Variants in TTPAL observed in about 807,000 individuals in gnomAD.
TTPAL encodes the protein alpha-tocopherol transfer protein-like.
TTPAL carries 21 observed loss-of-function variants against 28.7 expected under a neutral mutation model. The ratio of observed to expected loss-of-function variants is 0.73; its 90% CI spans 0.52 to 1.06. The LOEUF is 1.06. Ranked by LOEUF, TTPAL falls within the 50% of genes least tolerant of loss-of-function variation. TTPAL has a pLI of 0.00. For synonymous variants in TTPAL, 169 were observed against 171.9 expected (o/e 0.98, Z 0.13); for missense variants, 345 against 425.5 (o/e 0.81, Z 1.67).
At position 44,489,710 on chromosome 20, in the gene TTPAL, T is replaced by G. The variant is rs1245377215; in HGVS notation, c.*169T>G. Reference sequence around the variant, plus strand: ...GCCCATTTTGGGGTAAGCCTTTGGTTACTTTAATTACTCCATGGAAGACAT... The same window carrying G: ...GCCCATTTTGGGGTAAGCCTTTGGTGACTTTAATTACTCCATGGAAGACAT... On this transcript the variant is annotated 3_prime_UTR_variant, in exon 5 of 5. Coordinates refer to ENST00000262605, the MANE Select transcript of TTPAL (RefSeq NM_001039199.3). 3.0e-6 allele frequency: 2 copies of G among 657,522 alleles called. No individual in the cohort carries two copies. Among genetic ancestry groups the G allele is most frequent in the East Asian group, 5.5e-5 (2 of 36,380 alleles). The allele number at this position is 657,522 out of a possible 1,614,324, so 40.7% of individuals were successfully genotyped here.
At chr20:44,486,535 GGGGA>G in intron 3 of TTPAL, 57 bp from the exon 4 acceptor site, 1 of 996,922 alleles carries the variant, frequency 1.0e-6, no homozygotes. Context: ...ATTTAACTTG[GGGGA>G]GGAAGGTGTG....
rs773660034 is a variant in TTPAL at position 44,480,207 on chromosome 20, C to A, written c.208C>A (p.Pro70Thr). The A allele has an allele frequency of 1.9e-6, 3 of 1,613,994 alleles. No individual in the cohort carries two copies. The African/African-American group carries it at 4.0e-5, about 22-fold the overall frequency. ...ALRDMVRKEYPNLSTSLDDAF... is the reference protein window; with the variant it reads ...ALRDMVRKEYTNLSTSLDDAF... ...TCGTGACATGGTGCGGAAGGAGTAC[C>A]CCAACCTGAGCACATCCCTCGACGA... is the stretch of plus-strand genomic sequence containing the variant. Residue 70 changes from proline (P) to threonine (T), a missense_variant, in exon 2 of 5, where the codon CCC becomes ACC. Physicochemically the swap from Pro to Thr is conservative, Grantham distance 38. Coordinates refer to ENST00000262605, the MANE Select transcript of TTPAL (RefSeq NM_001039199.3). The surrounding 1 kb of genome is among the most constrained non-coding windows in gnomAD (Gnocchi z 4.1).
rs555560264 is a variant in TTPAL at position 44,488,510 on chromosome 20, G to A, written c.751-753G>A. Among the ~76,000 whole-genome samples the A allele has an allele frequency of 1.2e-4, 18 of 152,246 alleles. No homozygotes were observed. In the East Asian group the frequency reaches 3.5e-3, roughly 29 times the overall value. ...CTAGGAAAATTATATTCTAAAGGGA[G>A]CCACAGTGAATTATCTAGTATTAGA... is the stretch of plus-strand genomic sequence containing the variant. On this transcript the variant is annotated intron_variant, in intron 4 of 4. Transcript: ENST00000262605.
At chr20:44,483,993 T>C (rs2064129560) in intron 2 of TTPAL, among the ~76,000 whole-genome samples, 1 of 152,164 alleles carries the variant, frequency 6.6e-6, no homozygotes. Context: ...GGTTTCGCCA[T>C]GTTGCCTGGG....
chr20:44,484,630 C>A, intron 3 of TTPAL, 100 bp downstream of exon 3: 1 of 813,076 alleles, frequency 1.2e-6, no homozygotes, highest in Non-Finnish European at 1.9e-6. Flanking sequence ...AACTGCACAT[C>A]CCACACCTGC....
chr20:44,492,092 AG>A lies in TTPAL; in HGVS notation c.*2553del, dbSNP rs1410770670. 6.6e-6 allele frequency: 1 copy of A among 152,314 alleles called. No individual in the cohort carries two copies. The highest frequency in any genetic ancestry group is 1.5e-5 in the Non-Finnish European group (1 of 68,048). 9.4% of individuals were successfully genotyped at this position (152,314 alleles called of 1,614,324 possible). On this transcript the variant is annotated 3_prime_UTR_variant, in exon 5 of 5. Transcript: ENST00000262605. The stretch of plus-strand genomic sequence containing the variant: ...TGCTTGCTTTGTTTTGGCTCCGAAG[AG>A]GTATCAGATAGTTTTGACACCTCAG...
rs374289262 is a variant in TTPAL at position 44,489,466 on chromosome 20, C to T, written c.954C>T (p.Pro318=). Reference sequence around the variant, plus strand: ...GCATCCTGGGCCAGACGCTGCTGCCCGAGGGCCTGACCTCAGATGCACAGT... The same window carrying T: ...GCATCCTGGGCCAGACGCTGCTGCCTGAGGGCCTGACCTCAGATGCACAGT... The part of the protein sequence containing the change: ...CDSILGQTLL[P]EGLTSDAQCD... Residue 318 remains proline (P), a synonymous_variant, in exon 5 of 5, where the codon CCC becomes CCT. Transcript: ENST00000262605. 5.0e-6 allele frequency: 8 copies of T among 1,614,056 alleles called. No individual in the cohort carries two copies. The highest frequency in any genetic ancestry group is 3.3e-5 in the Admixed American group (2 of 59,992).
chr20:44,489,652 AGGAT>A lies in TTPAL; in HGVS notation c.*115_*118del. 2 of 1,213,210 alleles carry A rather than the reference AGGAT, an allele frequency of 1.6e-6. No homozygotes were observed. Among genetic ancestry groups the A allele is most frequent in the Non-Finnish European group, 2.2e-6 (2 of 891,574 alleles). 75.2% of individuals were successfully genotyped at this position (1,213,210 alleles called of 1,614,324 possible). A position where few individuals can be genotyped will look rare whatever the true frequency, so the allele number is the denominator to read the frequency against. ...GTCTTGCTCCTTGTAATTAAACTGCAGGATGGAGGAACAGCCTGAGATATGAGCA... is the reference window on the plus strand; with the variant it reads ...GTCTTGCTCCTTGTAATTAAACTGCAGGAGGAACAGCCTGAGATATGAGCA... On this transcript the variant is annotated 3_prime_UTR_variant, in exon 5 of 5. Coordinates refer to ENST00000262605, the MANE Select transcript of TTPAL (RefSeq NM_001039199.3).
rs2064190822 is a variant in TTPAL at position 44,490,076 on chromosome 20, T to G, written c.*535T>G. ...TACTGGAGATGAAGGCCCCAGCTGT[T>G]GTCACCGGGTTTGGAAAGCACCTTA... On this transcript the variant is annotated 3_prime_UTR_variant, in exon 5 of 5. Coordinates refer to ENST00000262605, the MANE Select transcript of TTPAL (RefSeq NM_001039199.3). 6.3e-6 allele frequency: 1 copy of G among 157,588 alleles called. No individual in the cohort carries two copies. 9.8% of individuals were successfully genotyped at this position (157,588 alleles called of 1,614,324 possible).
At chr20:44,488,107 CAAG>C (rs2064169354) in intron 4 of TTPAL, among the ~76,000 whole-genome samples, 1 of 152,164 alleles carries the variant, frequency 6.6e-6, no homozygotes, top group Non-Finnish European at 1.5e-5. Context: ...TGGAAAATCT[CAAG>C]GAGGTAAGGG....
In TTPAL at chr20:44,480,132, G is replaced by A. The variant is rs753432973; in HGVS notation, c.133G>A (p.Glu45Lys). The A allele has an allele frequency of 6.2e-7, 1 of 1,614,200 alleles. No individual in the cohort carries two copies. Among genetic ancestry groups the A allele is most frequent in the Non-Finnish European group, 8.5e-7 (1 of 1,180,042 alleles). The change falls in exon 2 of 5, where the codon GAA (glutamate) becomes AAA (lysine). Residue 45 changes from glutamate (E) to lysine (K), a missense_variant. Physicochemically the swap from Glu to Lys is moderately conservative, Grantham distance 56. Transcript: ENST00000262605. This position sits in a 1 kb window ranked among gnomAD's most constrained non-coding sequence, Gnocchi z 4.1. ...LTEDLVTKAR[E>K]ELQEKPEWRL... ...AGAAGACCTGGTCACCAAAGCCCGG[G>A]AAGAGCTGCAGGAAAAGCCGGAATG...
intron 4 of TTPAL, among the ~76,000 whole-genome samples, chr20:44,487,944 T>C (rs943080713): frequency 6.6e-6 from 1 of 152,226 alleles, no homozygotes; most frequent in Non-Finnish European, 1.5e-5. Flanking sequence ...AATTTTTGTA[T>C]TTTTAGTAGA....
At position 44,489,585 on chromosome 20, in the gene TTPAL, C is replaced by G. The variant is rs750212714; in HGVS notation, c.*44C>G. ...CATCTTTAATTCTTTTCCTTCTTTT[C>G]TTTGGAGAGGCACAAGGAGAATTTA... On this transcript the variant is annotated 3_prime_UTR_variant, in exon 5 of 5. Transcript: ENST00000262605. 2 of 1,568,072 alleles carry G rather than the reference C, an allele frequency of 1.3e-6. No homozygotes were observed. Among genetic ancestry groups the G allele is most frequent in the Admixed American group, 3.6e-5 (2 of 54,950 alleles).
chr20:44,478,706 A>G (rs1328286021), intron 1 of TTPAL: 1 of 152,230 alleles, frequency 6.6e-6, no homozygotes, highest in African/African-American at 2.4e-5. Context: ...GTATGTGTAT[A>G]GTTTAAAAAC....
intron 3 of TTPAL, chr20:44,485,775 G>GA (rs2064146195): frequency 6.6e-6 from 1 of 152,162 alleles, no homozygotes; most frequent in Non-Finnish European, 1.5e-5. Flanking sequence ...CTGGAGAGGA[G>GA]AAAAAATTAA....
chr20:44,476,875 C>G (rs1309829684), intron 1 of TTPAL, among the ~76,000 whole-genome samples: 1 of 152,078 alleles, frequency 6.6e-6, no homozygotes, highest in Non-Finnish European at 1.5e-5. Flanking sequence ...TAAATGAGTG[C>G]GTGGTGAAAC....
Position 44,484,378 on chromosome 20 carries a change from C to A in TTPAL, c.487C>A (p.Arg163=). 1.9e-6 allele frequency: 3 copies of A among 1,592,568 alleles called. No individual in the cohort carries two copies. Among genetic ancestry groups the A allele is most frequent in the Non-Finnish European group, 1.7e-6 (2 of 1,162,948 alleles). ...PSNYPITENI[R]AIYLTLEKLI... ...CAACTATCCAATTACTGAAAACATC[C>A]GAGCCATATACTTGACCTTAGAAAA... Residue 163 remains arginine (R), a synonymous_variant, in exon 3 of 5, where the codon CGA becomes AGA. Coordinates refer to ENST00000262605, the MANE Select transcript of TTPAL (RefSeq NM_001039199.3).
In TTPAL at chr20:44,480,653, C is replaced by T. The variant is rs1006366965; in HGVS notation, c.445+209C>T. Among the ~76,000 whole-genome samples the T allele has an allele frequency of 1.1e-4, 16 of 152,314 alleles. No homozygotes were observed. The highest frequency in any genetic ancestry group is 3.8e-4 in the African/African-American group (16 of 41,564). On this transcript the variant is annotated intron_variant, in intron 2 of 4. Transcript: ENST00000262605. The surrounding 1 kb of genome is among the most constrained non-coding windows in gnomAD (Gnocchi z 4.1). Reference sequence around the variant, plus strand: ...AGGAGACAGGAGTCCCTCCCAGAACCAGAGAGCTGAAGGCGTGGCAGCTTT... The same window carrying T: ...AGGAGACAGGAGTCCCTCCCAGAACTAGAGAGCTGAAGGCGTGGCAGCTTT...
In TTPAL at chr20:44,480,467, G is replaced by T; in HGVS notation, c.445+23G>T. Reference sequence around the variant, plus strand: ...CAGGTATCTCCCTAGACTGTTGTGGGGTGTGTGTGTCCAGTCCTTCTGCAG... The same window carrying T: ...CAGGTATCTCCCTAGACTGTTGTGGTGTGTGTGTGTCCAGTCCTTCTGCAG... On this transcript the variant is annotated intron_variant, in intron 2 of 4. Coordinates refer to ENST00000262605, the MANE Select transcript of TTPAL (RefSeq NM_001039199.3). The surrounding 1 kb of genome is among the most constrained non-coding windows in gnomAD (Gnocchi z 4.1). The T allele has an allele frequency of 6.4e-7, 1 of 1,561,800 alleles. No homozygotes were observed. The highest frequency in any genetic ancestry group is 8.7e-7 in the Non-Finnish European group (1 of 1,153,136).
Sources: allele counts gnomAD v4.1 joint callset (sites outside exome capture counted in the v4.1 genomes callset), GRCh38; gene constraint gnomAD v4.1.1; non-coding constraint Gnocchi (gnomAD v3.1); transcripts MANE v1.5; gene names NCBI Gene and HGNC (gene_info 2026-07-23, HGNC 2026-07-21).